PPFIA3: variants seen among roughly 807,000 people sequenced by gnomAD.
PPFIA3 encodes liprin-alpha-3.
In PPFIA3, 26 loss-of-function variants were observed where a neutral mutation model predicts 145.8. That is an observed-to-expected ratio of 0.18 (90% CI 0.13 to 0.25). PPFIA3 has a LOEUF of 0.25. PPFIA3 is among the 10% of genes least tolerant of loss of function. The pLI, the probability that PPFIA3 is intolerant of heterozygous loss-of-function variation, is 1.00. For synonymous variants in PPFIA3, 645 were observed against 661.4 expected (o/e 0.98, Z 0.38); for missense variants, 1,008 against 1,587.8 (o/e 0.63, Z 6.21).
At chr19:49,138,123 T>C in intron 15 of PPFIA3, 82 bp from the exon 16 acceptor site, 3 of 1,440,630 alleles carry the variant, frequency 2.1e-6, no homozygotes, top group Non-Finnish European at 2.8e-6. Flanking sequence ...CACCAGGCCT[T>C]TCTGGCCCAT....
Position 49,128,048 on chromosome 19 carries a change from C to G in PPFIA3, c.175C>G (p.Arg59Gly). ...GGACGGGTTGGCTACAGCGCAGCTG[C>G]GGCTGCGCGAGCTCGGCCACGAGAA... ...AQDGLATAQL[R>G]LRELGHEKDS... Residue 59 changes from arginine (R) to glycine (G), a missense_variant, in exon 2 of 30, where the codon CGG becomes GGG. By Grantham distance (125) the Arg-to-Gly change is moderately radical. This residue lies in a region of PPFIA3 where 108 missense variants were observed against 144.3 expected (regional missense o/e 0.75). Transcript: ENST00000334186. This position sits in a 1 kb window ranked among gnomAD's most constrained non-coding sequence, Gnocchi z 4.1. 2 of 1,590,614 alleles carry G rather than the reference C, an allele frequency of 1.3e-6. No homozygotes were observed. The highest frequency in any genetic ancestry group is 1.7e-6 in the Non-Finnish European group (2 of 1,175,640).
Position 49,149,539 on chromosome 19 carries a change from A to G in PPFIA3, c.3355-8A>G, listed in dbSNP as rs767830789. ...GTCCCTCACCGGCTGTCCGGCTCCT[A>G]TACCTAGGACAGCGCCAAGTCTTTC... On this transcript the variant is annotated splice_polypyrimidine_tract_variant and splice_region_variant and intron_variant, in intron 27 of 29. Coordinates refer to ENST00000334186, the MANE Select transcript of PPFIA3 (RefSeq NM_003660.4). The surrounding 1 kb of genome is among the most constrained non-coding windows in gnomAD (Gnocchi z 5.7). The G allele has an allele frequency of 1.9e-6, 3 of 1,614,072 alleles. No individual in the cohort carries two copies. The highest frequency in any genetic ancestry group is 2.5e-6 in the Non-Finnish European group (3 of 1,179,992).
At chr19:49,143,759 C>G (rs1246710674) in intron 21 of PPFIA3, among the ~76,000 whole-genome samples, 1 of 152,136 alleles carries the variant, frequency 6.6e-6, no homozygotes, top group African/African-American at 2.4e-5. Context: ...TTTTGCTGTA[C>G]TTGCTCTGTT....
At chr19:49,148,841 A>T in intron 25 of PPFIA3, 78 bp downstream of exon 25, 1 of 1,530,608 alleles carries the variant, frequency 6.5e-7, no homozygotes, top group Non-Finnish European at 9.0e-7. Flanking sequence ...GGGTAGGGGG[A>T]GACCGGAGAA....
Position 49,125,934 on chromosome 19 carries a change from T to G in PPFIA3, c.-15-1925T>G, listed in dbSNP as rs966166037. Among the ~76,000 whole-genome samples, 14 of 33,998 alleles carry G rather than the reference T, an allele frequency of 4.1e-4. 1 individual carries two copies. The highest frequency in any genetic ancestry group is 2.8e-3 in the Admixed American group (13 of 4,574). The allele number at this position is 33,998 out of a possible 152,430, so 22.3% of individuals were successfully genotyped here. Reference sequence around the variant, plus strand: ...CCTGGCCATACTGGTATTTTTTTTGTTTTTTTTTGTTTGTTTGTTTGTTTT... The same window carrying G: ...CCTGGCCATACTGGTATTTTTTTTGGTTTTTTTTGTTTGTTTGTTTGTTTT... On this transcript the variant is annotated intron_variant, in intron 1 of 29. Transcript: ENST00000334186.
At position 49,139,774 on chromosome 19, in the gene PPFIA3, C is replaced by T; in HGVS notation, c.2183C>T (p.Thr728Ile). 1 of 1,613,886 alleles carries T rather than the reference C, an allele frequency of 6.2e-7. No homozygotes were observed. The highest frequency in any genetic ancestry group is 8.5e-7 in the Non-Finnish European group (1 of 1,179,836). Residue 728 changes from threonine to isoleucine, a missense_variant, in exon 17 of 30, where the codon ACC becomes ATC. Transcript: ENST00000334186. ...CGCTCTGCCCGTCTTGAGAGAATGA[C>T]CCAGGCCTTGGCACTGCAGGCGGGG... ...TPRSARLERM[T>I]QALALQAGSL...
In PPFIA3 at chr19:49,133,676, G is replaced by A; in HGVS notation, c.1162-120G>A. The A allele has an allele frequency of 9.0e-7, 1 of 1,108,204 alleles. No homozygotes were observed. Among genetic ancestry groups the A allele is most frequent in the Non-Finnish European group, 1.3e-6 (1 of 742,240 alleles). 68.6% of individuals were successfully genotyped at this position (1,108,204 alleles called of 1,614,324 possible). ...CAGGGGCGGGGCCTGACTCAAAGGTGCAGGGGAGGAGCCTGGCGCTGTGGG... is the reference window on the plus strand; with the variant it reads ...CAGGGGCGGGGCCTGACTCAAAGGTACAGGGGAGGAGCCTGGCGCTGTGGG... On this transcript the variant is annotated intron_variant, in intron 9 of 29. Transcript: ENST00000334186. The surrounding 1 kb of genome is among the most constrained non-coding windows in gnomAD (Gnocchi z 7.2).
In PPFIA3 at chr19:49,133,516, A is replaced by G; in HGVS notation, c.1161+145A>G. The stretch of plus-strand genomic sequence containing the variant: ...GGGGCCTAGGGGCTGGGAAAGGGAC[A>G]GGACTTGGAATGGGGAGGGCCTGGA... On this transcript the variant is annotated intron_variant, in intron 9 of 29. Transcript: ENST00000334186. This position sits in a 1 kb window ranked among gnomAD's most constrained non-coding sequence, Gnocchi z 7.2. 1 of 1,122,586 alleles carries G rather than the reference A, an allele frequency of 8.9e-7. No homozygotes were observed. The highest frequency in any genetic ancestry group is 1.6e-5 in the South Asian group (1 of 61,528). 69.5% of individuals were successfully genotyped at this position (1,122,586 alleles called of 1,614,324 possible).
chr19:49,129,076 G>A lies in PPFIA3; in HGVS notation c.507+64G>A, dbSNP rs2041038251. ...CTATAGTTGACTGGGGCTGTTCTGA[G>A]TGGGAGAGATTCTGGCCGTGATTGG... On this transcript the variant is annotated intron_variant, in intron 4 of 29. Coordinates refer to ENST00000334186, the MANE Select transcript of PPFIA3 (RefSeq NM_003660.4). The A allele has an allele frequency of 2.0e-6, 3 of 1,485,114 alleles. No individual in the cohort carries two copies. In the Admixed American group the frequency reaches 6.6e-5, roughly 33 times the overall value. The allele number at this position is 1,485,114 out of a possible 1,614,324, so 92.0% of individuals were successfully genotyped here. A position where few individuals can be genotyped will look rare whatever the true frequency, so the allele number is the denominator to read the frequency against.
Position 49,144,530 on chromosome 19 carries a change from A to G in PPFIA3, c.2746-1413A>G, listed in dbSNP as rs556827837. On this transcript the variant is annotated intron_variant, in intron 21 of 29. Transcript: ENST00000334186. The stretch of plus-strand genomic sequence containing the variant: ...GGAGTTCGAGACCAGCCTGGGCAAC[A>G]TGGCAAAACCCCATCTCTACTAAAA... 2.6e-4 allele frequency among the ~76,000 whole-genome samples: 39 copies of G among 152,116 alleles called. 1 individual carries two copies. The highest frequency in any genetic ancestry group is 8.7e-4 in the African/African-American group (36 of 41,512).
chr19:49,120,451 C>T lies in PPFIA3; in HGVS notation c.-16+729C>T, dbSNP rs928256987. Among the ~76,000 whole-genome samples, 12 of 152,284 alleles carry T rather than the reference C, an allele frequency of 7.9e-5. No individual in the cohort carries two copies. The East Asian group carries it at 1.9e-3, about 24-fold the overall frequency. ...TTCTGAATTTTCCTATTCTGGTCGC[C>T]GTGGGGACCATGGCACCCGGGGATG... On this transcript the variant is annotated intron_variant, in intron 1 of 29. Coordinates refer to ENST00000334186, the MANE Select transcript of PPFIA3 (RefSeq NM_003660.4). The surrounding 1 kb of genome is among the most constrained non-coding windows in gnomAD (Gnocchi z 4.6).
In PPFIA3 at chr19:49,130,862, AT is replaced by A. The variant is rs373805303; in HGVS notation, c.879+273del. ...GTTCTTCTCTGGTGCCTCTAAATGG[AT>A]TTTTTTTTTCTTTTGTGAGGCAGAG... On this transcript the variant is annotated intron_variant, in intron 7 of 29. Coordinates refer to ENST00000334186, the MANE Select transcript of PPFIA3 (RefSeq NM_003660.4). This position sits in a 1 kb window ranked among gnomAD's most constrained non-coding sequence, Gnocchi z 4.5. Among the ~76,000 whole-genome samples the A allele has an allele frequency of 1.7e-4, 25 of 149,392 alleles. No individual in the cohort carries two copies. Among genetic ancestry groups the A allele is most frequent in the East Asian group, 1.2e-3 (6 of 5,108 alleles).
chr19:49,132,864 C>T, intron 7 of PPFIA3, 137 bp from the exon 8 acceptor site: 2 of 1,130,200 alleles, frequency 1.8e-6, no homozygotes, highest in Non-Finnish European at 2.5e-6. Flanking sequence ...ATGGGCTAGT[C>T]CTGGGAGCTC....
At position 49,147,453 on chromosome 19, in the gene PPFIA3, A is replaced by C. The variant is rs8100839; in HGVS notation, c.2836-630A>C. Among the ~76,000 whole-genome samples the C allele has an allele frequency of 7.8e-3, 1,186 of 152,176 alleles. 8 individuals are homozygous for C. Among genetic ancestry groups the C allele is most frequent in the African/African-American group, 0.027 (1,114 of 41,520 alleles). ...GTAATCCCAGCACGTTGGGAGGCTGAGGTGGGCGGATCCCTTGAGGTCAGG... is the reference window on the plus strand; with the variant it reads ...GTAATCCCAGCACGTTGGGAGGCTGCGGTGGGCGGATCCCTTGAGGTCAGG... On this transcript the variant is annotated intron_variant, in intron 23 of 29. Transcript: ENST00000334186.
rs919799584 is a variant in PPFIA3, at chr19:49,149,461, A to G, written c.3355-86A>G. 7.6e-6 allele frequency: 12 copies of G among 1,586,870 alleles called. No individual in the cohort carries two copies. In the African/African-American group the frequency reaches 1.2e-4, roughly 16 times the overall value. ...GAGGGGCGGGGTTAAAGGAGAGGTG[A>G]GACCCGGAGAGGGGTGGAGTCAAAG... On this transcript the variant is annotated intron_variant, in intron 27 of 29. Transcript: ENST00000334186. The surrounding 1 kb of genome is among the most constrained non-coding windows in gnomAD (Gnocchi z 5.7).
At position 49,120,809 on chromosome 19, in the gene PPFIA3, C is replaced by T. The variant is rs988464752; in HGVS notation, c.-16+1087C>T. ...AGGGACCCAGGAGTTCAGACCCCAG[C>T]TTCCGTACTGCCCACCAGCTTTTAC... is the stretch of plus-strand genomic sequence containing the variant. On this transcript the variant is annotated intron_variant, in intron 1 of 29. Coordinates refer to ENST00000334186, the MANE Select transcript of PPFIA3 (RefSeq NM_003660.4). The surrounding 1 kb of genome is among the most constrained non-coding windows in gnomAD (Gnocchi z 4.6). 1.3e-5 allele frequency among the ~76,000 whole-genome samples: 2 copies of T among 152,196 alleles called. No individual in the cohort carries two copies. Among genetic ancestry groups the T allele is most frequent in the Admixed American group, 6.5e-5 (1 of 15,282 alleles).
chr19:49,137,092 A>C, intron 15 of PPFIA3, 181 bp downstream of exon 15: 1 of 523,226 alleles, frequency 1.9e-6, no homozygotes, highest in South Asian at 3.9e-5. Flanking sequence ...GAAGTCTTCT[A>C]TGTGCTACCT....
Position 49,150,218 on chromosome 19 carries a change from C to A in PPFIA3, c.*14-18C>A. On this transcript the variant is annotated intron_variant, in intron 29 of 29. Transcript: ENST00000334186. ...CGGTGGATCTTCACTGCTCCACGCG[C>A]TGCCCGGCGTCATGCAGGTGACCTC... The A allele has an allele frequency of 7.3e-7, 1 of 1,377,562 alleles. No individual in the cohort carries two copies. The highest frequency in any genetic ancestry group is 1.0e-6 in the Non-Finnish European group (1 of 999,396). The allele number at this position is 1,377,562 out of a possible 1,614,324, so 85.3% of individuals were successfully genotyped here.
Position 49,139,711 on chromosome 19 carries a change from G to A in PPFIA3, c.2120G>A (p.Gly707Glu). The A allele has an allele frequency of 6.2e-7, 1 of 1,612,660 alleles. No individual in the cohort carries two copies. The highest frequency in any genetic ancestry group is 2.2e-5 in the East Asian group (1 of 44,848). Reference sequence around the variant, plus strand: ...GAAGCTGGAGCTCCACGAGGGGAGGGGCCGGCCATCCCAGGAGACACCCCA... The same window carrying A: ...GAAGCTGGAGCTCCACGAGGGGAGGAGCCGGCCATCCCAGGAGACACCCCA... ...KEEAGAPRGE[G>E]PAIPGDTPPP... Residue 707 changes from glycine to glutamate, a missense_variant, in exon 17 of 30, where the codon GGG becomes GAG. Physicochemically the swap from Gly to Glu is moderately conservative, Grantham distance 98. This residue lies in a region of PPFIA3 where 202 missense variants were observed against 241.8 expected (regional missense o/e 0.84). Coordinates refer to ENST00000334186, the MANE Select transcript of PPFIA3 (RefSeq NM_003660.4).
Sources: allele counts gnomAD v4.1 joint callset (sites outside exome capture counted in the v4.1 genomes callset), GRCh38; gene constraint gnomAD v4.1.1; regional missense constraint gnomAD v4.1.1; non-coding constraint Gnocchi (gnomAD v3.1); transcripts MANE v1.5; gene names NCBI Gene and HGNC (gene_info 2026-07-23, HGNC 2026-07-21).